Variants in CACNA2D3 observed in about 807,000 individuals in gnomAD.
The protein encoded by CACNA2D3 is calcium voltage-gated channel auxiliary subunit alpha2delta 3.
In CACNA2D3, 60 loss-of-function variants were observed where a neutral mutation model predicts 160.6. That is an observed-to-expected ratio of 0.37 (90% CI 0.30 to 0.46). CACNA2D3 has a LOEUF of 0.46. Among genes scored for constraint, CACNA2D3 ranks in the 20% least tolerant of loss-of-function variants. The pLI is 1.00. For synonymous variants in CACNA2D3, 558 were observed against 492.9 expected (o/e 1.13, Z -1.75); for missense variants, 1,205 against 1,365.0 (o/e 0.88, Z 1.85).
intron 13 of CACNA2D3, among the ~76,000 whole-genome samples, chr3:54,784,094 G>T (rs989049299): frequency 1.3e-5 from 2 of 152,184 alleles, no homozygotes; most frequent in Non-Finnish European, 2.9e-5. Context: ...TAATGACTTT[G>T]TATGGTAAGT....
intron 3 of CACNA2D3, chr3:54,385,982 TAGGC>T (rs763960462): frequency 2.0e-6 from 1 of 504,612 alleles, no homozygotes; most frequent in Non-Finnish European, 3.9e-6. Context: ...TATCTTATTG[TAGGC>T]AAAATCAAAT....
intron 4 of CACNA2D3, among the ~76,000 whole-genome samples, chr3:54,463,872 C>T (rs978910138): frequency 6.6e-6 from 1 of 152,296 alleles, no homozygotes; most frequent in African/African-American, 2.4e-5. Context: ...TCCAGTTTTT[C>T]TGCTCTGTTT....
chr3:54,246,162 C>T (rs546916922), intron 2 of CACNA2D3, among the ~76,000 whole-genome samples: 6 of 152,290 alleles, frequency 3.9e-5, no homozygotes, highest in South Asian at 4.1e-4. Context: ...AGAAATGGCT[C>T]GAAGGAAAAA....
At chr3:54,335,777 G>A (rs1017299787) in intron 3 of CACNA2D3, among the ~76,000 whole-genome samples, 27 of 151,890 alleles carry the variant, frequency 1.8e-4, no homozygotes, top group Admixed American at 3.3e-4. Context: ...AGGCTGAGGC[G>A]GGCGGATCAT....
intron 2 of CACNA2D3, among the ~76,000 whole-genome samples, chr3:54,209,469 C>T (rs1194875251): frequency 3.0e-4 from 45 of 152,182 alleles, no homozygotes; most frequent in South Asian, 2.1e-4. Context: ...AAGTAATTAT[C>T]CCTGTACCGA....
chr3:54,658,021 CAAAAAAG>C (rs1225313694), intron 11 of CACNA2D3, among the ~76,000 whole-genome samples: 1 of 151,774 alleles, frequency 6.6e-6, no homozygotes, highest in Admixed American at 6.6e-5. Flanking sequence ...GACTCTGTCT[CAAAAAAG>C]AAAAAAGAAA....
intron 27 of CACNA2D3, among the ~76,000 whole-genome samples, chr3:54,932,054 C>T (rs558692560): frequency 4.6e-5 from 7 of 152,060 alleles, no homozygotes; most frequent in South Asian, 4.2e-4. Flanking sequence ...TGGTGGTGAG[C>T]GCCTATAGTC....
At chr3:54,783,302 G>A in intron 13 of CACNA2D3, among the ~76,000 whole-genome samples, 1 of 151,992 alleles carries the variant, frequency 6.6e-6, no homozygotes, top group East Asian at 1.9e-4. Flanking sequence ...TACCCACTTT[G>A]AGATATGAAA....
intron 2 of CACNA2D3, among the ~76,000 whole-genome samples, chr3:54,149,272 C>T (rs1002916888): frequency 2.0e-5 from 3 of 150,854 alleles, no homozygotes; most frequent in Non-Finnish European, 4.4e-5. Context: ...CATGTGCACA[C>T]ACACACACAC....
At chr3:54,317,762 C>A (rs1703898816) in intron 2 of CACNA2D3, among the ~76,000 whole-genome samples, 2 of 152,188 alleles carry the variant, frequency 1.3e-5, no homozygotes, top group Non-Finnish European at 2.9e-5. Context: ...TGGTCTGGAA[C>A]TCCTGACCTC....
At chr3:54,541,016 G>C (rs142397876) in intron 5 of CACNA2D3, among the ~76,000 whole-genome samples, 4 of 152,064 alleles carry the variant, frequency 2.6e-5, no homozygotes, top group African/African-American at 9.7e-5. Flanking sequence ...GGTGGCTCAC[G>C]CCTGTAATCC....
chr3:54,271,507 A>G (rs781096330), intron 2 of CACNA2D3, among the ~76,000 whole-genome samples: 22 of 152,250 alleles, frequency 1.4e-4, no homozygotes, highest in Admixed American at 2.6e-4. Flanking sequence ...GGCCAAAAAG[A>G]CATCTATAGA....
intron 11 of CACNA2D3, among the ~76,000 whole-genome samples, chr3:54,678,849 A>G (rs1313992359): frequency 2.0e-5 from 3 of 152,136 alleles, no homozygotes; most frequent in Admixed American, 2.0e-4. Context: ...ATTAAAGACA[A>G]AAACACTGGC....
intron 29 of CACNA2D3, among the ~76,000 whole-genome samples, chr3:54,973,515 C>T (rs1702320094): frequency 6.6e-6 from 1 of 152,290 alleles, no homozygotes; most frequent in South Asian, 2.1e-4. Context: ...AGGCTAATAA[C>T]CCTTATTAAA....
chr3:54,439,178 T>G (rs537612403), intron 4 of CACNA2D3, among the ~76,000 whole-genome samples: 1 of 152,344 alleles, frequency 6.6e-6, no homozygotes, highest in East Asian at 1.9e-4. Context: ...CTTCGGGTTA[T>G]CACAGCTAGC....
chr3:54,202,715 C>T (rs910490036), intron 2 of CACNA2D3, among the ~76,000 whole-genome samples: 1 of 152,180 alleles, frequency 6.6e-6, no homozygotes, highest in African/African-American at 2.4e-5. Flanking sequence ...CAAAAAAACC[C>T]AGGAAACTGG....
intron 2 of CACNA2D3, among the ~76,000 whole-genome samples, chr3:54,219,997 A>G (rs1455863522): frequency 1.3e-5 from 2 of 152,192 alleles, no homozygotes; most frequent in African/African-American, 4.8e-5. Context: ...TTGGCATTTT[A>G]TTGTGCTAAC....
At chr3:54,347,445 C>T (rs1559456740) in intron 3 of CACNA2D3, among the ~76,000 whole-genome samples, 1 of 152,160 alleles carries the variant, frequency 6.6e-6, no homozygotes, top group Non-Finnish European at 1.5e-5. Context: ...TTTACTCTGC[C>T]TTATTAATAA....
chr3:54,602,746 G>C (rs1212884980), intron 9 of CACNA2D3, among the ~76,000 whole-genome samples: 1 of 152,172 alleles, frequency 6.6e-6, no homozygotes, highest in African/African-American at 2.4e-5. Flanking sequence ...AATTATGATA[G>C]AGATTTTTGA....
Sources: allele counts gnomAD v4.1 joint callset (sites outside exome capture counted in the v4.1 genomes callset), GRCh38; gene constraint gnomAD v4.1.1; transcripts MANE v1.5; gene names NCBI Gene and HGNC (gene_info 2026-07-23, HGNC 2026-07-21).